PTK2: variants seen among roughly 807,000 people sequenced by gnomAD.
PTK2 encodes protein tyrosine kinase 2, also known as focal adhesion kinase 1.
PTK2 carries 45 observed loss-of-function variants against 150.1 expected under a neutral mutation model. That is an observed-to-expected ratio of 0.30 (90% CI 0.24 to 0.38). The LOEUF is 0.38. Among genes scored for constraint, PTK2 ranks in the 10% least tolerant of loss-of-function variants. The pLI, the probability that PTK2 is intolerant of heterozygous loss-of-function variation, is 1.00. For synonymous variants in PTK2, 432 were observed against 449.2 expected (o/e 0.96, Z 0.48); for missense variants, 919 against 1,307.3 (o/e 0.70, Z 4.58).
At chr8:140,697,441 T>C (rs900153580) in intron 26 of PTK2, among the ~76,000 whole-genome samples, 17 of 151,382 alleles carry the variant, frequency 1.1e-4, no homozygotes, top group African/African-American at 4.2e-4. Flanking sequence ...TGTGTGTGTG[T>C]GTGTGTGTGT....
intron 10 of PTK2, among the ~76,000 whole-genome samples, chr8:140,812,139 T>C (rs1175318673): frequency 6.6e-6 from 1 of 151,804 alleles, no homozygotes; most frequent in Non-Finnish European, 1.5e-5. Context: ...AAAGAAAAAA[T>C]GTTAAAGGAA....
At chr8:140,718,752 T>TA (rs2100041163) in intron 22 of PTK2, 1 of 152,188 alleles carries the variant, frequency 6.6e-6, no homozygotes, top group African/African-American at 2.4e-5. Context: ...CAACTCAACT[T>TA]ACACAGTCAC....
At chr8:140,897,330 G>C (rs2100156690) in intron 2 of PTK2, among the ~76,000 whole-genome samples, 1 of 151,610 alleles carries the variant, frequency 6.6e-6, no homozygotes, top group Non-Finnish European at 1.5e-5. Flanking sequence ...TTCCATTATA[G>C]AATGTGATTT....
At chr8:140,786,237 A>G (rs1445041792) in intron 14 of PTK2, among the ~76,000 whole-genome samples, 2 of 152,204 alleles carry the variant, frequency 1.3e-5, no homozygotes, top group Non-Finnish European at 2.9e-5. Context: ...CAGCTGGCAT[A>G]CAGTTGACTG....
intron 26 of PTK2, among the ~76,000 whole-genome samples, chr8:140,696,133 T>G (rs2100026413): frequency 6.6e-6 from 1 of 152,206 alleles, no homozygotes; most frequent in Non-Finnish European, 1.5e-5. Flanking sequence ...TGAGCCTTAT[T>G]ACTGCTGAAC....
chr8:140,736,404 A>G (rs2100052634), intron 21 of PTK2, among the ~76,000 whole-genome samples: 2 of 152,184 alleles, frequency 1.3e-5, no homozygotes, highest in Admixed American at 1.3e-4. Context: ...TAATGGTTGA[A>G]AAAGTACCCA....
chr8:140,675,207 C>T (rs1182414376), intron 28 of PTK2, among the ~76,000 whole-genome samples: 1 of 150,416 alleles, frequency 6.6e-6, no homozygotes, highest in African/African-American at 2.4e-5. Flanking sequence ...GCTCTGTCAC[C>T]CAGGCTGGAG....
At chr8:140,894,836 C>A (rs1370852449) in intron 2 of PTK2, among the ~76,000 whole-genome samples, 2 of 152,168 alleles carry the variant, frequency 1.3e-5, no homozygotes, top group African/African-American at 4.8e-5. Context: ...TACATGAATA[C>A]ACCCTTATAA....
At chr8:140,930,664 T>G (rs1223204697) in intron 1 of PTK2, among the ~76,000 whole-genome samples, 1 of 152,256 alleles carries the variant, frequency 6.6e-6, no homozygotes, top group Admixed American at 6.5e-5. Flanking sequence ...ATTTCATTTC[T>G]AAGTACTGAG....
intron 3 of PTK2, among the ~76,000 whole-genome samples, chr8:140,885,733 T>C (rs1470658649): frequency 6.6e-6 from 1 of 152,022 alleles, no homozygotes. Flanking sequence ...AAATCACTGA[T>C]TCGGTGATTA....
chr8:140,961,638 A>G (rs1435536768), intron 1 of PTK2, among the ~76,000 whole-genome samples: 4 of 151,682 alleles, frequency 2.6e-5, no homozygotes, highest in Admixed American at 6.6e-5. Context: ...CTCCAGCCTG[A>G]GCGACACAGC....
chr8:140,712,992 A>T (rs758955833), intron 23 of PTK2, among the ~76,000 whole-genome samples: 2 of 152,240 alleles, frequency 1.3e-5, no homozygotes, highest in Non-Finnish European at 2.9e-5. Context: ...AAAAGTGTTT[A>T]GTCCAGCTTT....
In PTK2 at chr8:140,681,702, G is replaced by A. The variant is rs190081720; in HGVS notation, c.2562+4930C>T. ...TGAGGCAGGAGAATGGTGTGAACCCGGGAGGTGGAGCTTGCCGTGAGCCGA... is the reference window on the plus strand; with the variant it reads ...TGAGGCAGGAGAATGGTGTGAACCCAGGAGGTGGAGCTTGCCGTGAGCCGA... On this transcript the variant is annotated intron_variant, in intron 27 of 31. Coordinates refer to ENST00000522684, the Ensembl canonical transcript of PTK2. Among the ~76,000 whole-genome samples the A allele has an allele frequency of 5.5e-3, 833 of 152,194 alleles. 5 individuals carry two copies. The highest frequency in any genetic ancestry group is 9.9e-3 in the Non-Finnish European group (673 of 68,004).
At chr8:140,658,982 G>A (rs138911766) in exon 32 of PTK2, 1 of 226,046 alleles carries the variant, frequency 4.4e-6, no homozygotes, top group African/African-American at 2.2e-5. Flanking sequence ...ACTGAAGGGT[G>A]TTCTAACAAA....
chr8:140,778,860 A>C (rs1031168247), intron 14 of PTK2, among the ~76,000 whole-genome samples: 1 of 152,208 alleles, frequency 6.6e-6, no homozygotes, highest in Non-Finnish European at 1.5e-5. Flanking sequence ...TGGCAGTCAG[A>C]GAGGGTTTTC....
At chr8:140,761,175 T>C in exon 16 of PTK2, 2 of 1,606,884 alleles carry the variant, frequency 1.2e-6, no homozygotes, top group South Asian at 1.1e-5. Context: ...TGGACTCATA[T>C]AAATGCCTTG....
intron 1 of PTK2, among the ~76,000 whole-genome samples, chr8:140,972,596 C>T (rs550505735): frequency 1.4e-4 from 22 of 152,232 alleles, no homozygotes; most frequent in Admixed American, 2.6e-4. Context: ...TGAATTCAGT[C>T]GATGAAAATT....
chr8:140,728,116 T>C (rs1328840938), intron 22 of PTK2, among the ~76,000 whole-genome samples: 1 of 120,928 alleles, frequency 8.3e-6, no homozygotes, highest in Non-Finnish European at 1.7e-5. Context: ...AGAGAATTGC[T>C]TGAAGCAGGG....
At chr8:140,731,808 T>C (rs1302398002) in intron 22 of PTK2, among the ~76,000 whole-genome samples, 1 of 151,872 alleles carries the variant, frequency 6.6e-6, no homozygotes, top group Non-Finnish European at 1.5e-5. Context: ...GAGGCTAAGG[T>C]GGGAGAATCA....
Sources: allele counts gnomAD v4.1 joint callset (sites outside exome capture counted in the v4.1 genomes callset), GRCh38; gene constraint gnomAD v4.1.1; transcripts MANE v1.5; gene names NCBI Gene and HGNC (gene_info 2026-07-23, HGNC 2026-07-21).